Variants in CSN3 observed in about 807,000 individuals in gnomAD.
CSN3 encodes kappa-casein.
A neutral mutation model predicts 9.9 loss-of-function variants in CSN3; 7 were observed. That is an observed-to-expected ratio of 0.71 (90% confidence interval 0.40 to 1.33). The LOEUF (loss-of-function observed/expected upper bound fraction) is 1.33. Ranked by LOEUF, CSN3 falls within the 40% of genes most tolerant of loss-of-function variation. CSN3 has a pLI of 0.01. For synonymous variants in CSN3, 88 were observed against 82.3 expected (o/e 1.07, Z -0.37); for missense variants, 253 against 227.9 (o/e 1.11, Z -0.71).
At chr4:70,249,530 A>G (rs1730446157) in intron 4 of CSN3, 37 bp downstream of exon 4, 3 of 1,170,624 alleles carry the variant, frequency 2.6e-6, no homozygotes, top group African/African-American at 1.5e-5. Context: ...AATTCCGACA[A>G]GAAGCATGGA....
chr4:70,242,223 G>T (rs1730285619), upstream of CSN3, among the ~76,000 whole-genome samples: 1 of 151,460 alleles, frequency 6.6e-6, no homozygotes, highest in Non-Finnish European at 1.5e-5. Context: ...AAAAAGATAT[G>T]AATACTTTTT....
Sources: allele counts gnomAD v4.1 joint callset (sites outside exome capture counted in the v4.1 genomes callset), GRCh38; gene constraint gnomAD v4.1.1; transcripts MANE v1.5; gene names NCBI Gene and HGNC (gene_info 2026-07-23, HGNC 2026-07-21).